Variants in AFG1L observed in about 807,000 individuals in gnomAD.
The protein encoded by AFG1L is AFG1-like ATPase.
AFG1L carries 53 observed loss-of-function variants against 62.2 expected under a neutral mutation model. The observed-to-expected ratio is 0.85, with a 90% CI of 0.68 to 1.07. The LOEUF is 1.07. Ranked by LOEUF, AFG1L falls within the 50% of genes least tolerant of loss-of-function variation. The pLI, the probability that AFG1L is intolerant of heterozygous loss-of-function variation, is 0.00. For missense variants in AFG1L, 555 were observed against 590.5 expected (o/e 0.94, Z 0.62); for synonymous variants, 228 against 210.3 (o/e 1.08, Z -0.73).
chr6:108,404,524 T>A (rs900141815), intron 7 of AFG1L, among the ~76,000 whole-genome samples: 3 of 152,064 alleles, frequency 2.0e-5, no homozygotes, highest in African/African-American at 7.2e-5. Context: ...TCGGTTGTTT[T>A]GTATTATTGT....
intron 7 of AFG1L, among the ~76,000 whole-genome samples, chr6:108,405,791 C>G (rs1166699027): frequency 6.6e-6 from 1 of 152,170 alleles, no homozygotes; most frequent in African/African-American, 2.4e-5. Context: ...ACCCATTGTC[C>G]CCCTTTCCCA....
intron 8 of AFG1L, among the ~76,000 whole-genome samples, chr6:108,460,233 A>T (rs1772400991): frequency 6.6e-6 from 1 of 152,074 alleles, no homozygotes. Context: ...ACATAAATCA[A>T]TTGCTTCTTC....
intron 6 of AFG1L, among the ~76,000 whole-genome samples, chr6:108,383,127 G>A (rs2114562121): frequency 6.6e-6 from 1 of 152,270 alleles, no homozygotes; most frequent in East Asian, 1.9e-4. Flanking sequence ...TAGCTACTCA[G>A]GAAGCTGAAG....
intron 7 of AFG1L, among the ~76,000 whole-genome samples, chr6:108,414,452 C>T (rs758520056): frequency 5.1e-4 from 78 of 152,070 alleles, no homozygotes; most frequent in Non-Finnish European, 7.7e-4. Flanking sequence ...TACCAAAGCC[C>T]GGCAGAGACA....
intron 6 of AFG1L, among the ~76,000 whole-genome samples, chr6:108,375,504 T>C (rs1780204810): frequency 6.6e-6 from 1 of 152,082 alleles, no homozygotes; most frequent in Admixed American, 6.6e-5. Context: ...GTTCCTGCGG[T>C]GTCTAGTTTC....
At chr6:108,418,541 G>C (rs561586116) in intron 7 of AFG1L, among the ~76,000 whole-genome samples, 59 of 152,224 alleles carry the variant, frequency 3.9e-4, no homozygotes, top group African/African-American at 1.3e-3. Context: ...TCCTGTGTCA[G>C]CATAGATTTA....
chr6:108,377,571 C>T (rs1030603906), intron 6 of AFG1L, among the ~76,000 whole-genome samples: 7 of 152,116 alleles, frequency 4.6e-5, no homozygotes, highest in African/African-American at 1.4e-4. Context: ...ATAATTGGCT[C>T]CCAATCTCTC....
chr6:108,422,486 A>AAAAAAAAAAAAAAAAT (rs1462650067), intron 7 of AFG1L, among the ~76,000 whole-genome samples: 39 of 146,972 alleles, frequency 2.7e-4, no homozygotes, highest in African/African-American at 9.9e-4. Context: ...GCAAAAAAAA[A>AAAAAAAAAAAAAAAAT]AAAAAAAAAA....
At chr6:108,477,447 A>G (rs1042624341) in intron 10 of AFG1L, among the ~76,000 whole-genome samples, 155 bp downstream of exon 10, 4 of 152,242 alleles carry the variant, frequency 2.6e-5, no homozygotes, top group African/African-American at 7.2e-5. Context: ...TATTTTTGCC[A>G]TGTGCTTTTT....
intron 7 of AFG1L, among the ~76,000 whole-genome samples, chr6:108,435,213 G>T (rs1333793552): frequency 6.6e-6 from 1 of 152,202 alleles, no homozygotes; most frequent in Non-Finnish European, 1.5e-5. Flanking sequence ...ACCAGAAGGG[G>T]CTATGGGAGG....
At chr6:108,351,029 T>C (rs80206529) in intron 3 of AFG1L, among the ~76,000 whole-genome samples, 1,930 of 152,310 alleles carry the variant, frequency 0.013, 18 homozygotes, top group Non-Finnish European at 0.02. Flanking sequence ...GGTATTTGTT[T>C]ATCTAAACAT....
chr6:108,327,894 G>T (rs965363139), intron 2 of AFG1L, among the ~76,000 whole-genome samples: 1 of 152,150 alleles, frequency 6.6e-6, no homozygotes, highest in Non-Finnish European at 1.5e-5. Flanking sequence ...CTTAGAGGCC[G>T]TTAACCAGCG....
In AFG1L at chr6:108,382,128, G is replaced by A. The variant is rs183535377; in HGVS notation, c.748+15796G>A. On this transcript the variant is annotated intron_variant, in intron 6 of 12. Transcript: ENST00000368977. ...CGATTTTCCTGCCTCAGCCTCCCGA[G>A]TAGCTGGGATTACAGGCACGCGCCA... 2.6e-3 allele frequency among the ~76,000 whole-genome samples: 399 copies of A among 151,386 alleles called. 2 individuals carry two copies. The highest frequency in any genetic ancestry group is 9.3e-3 in the African/African-American group (384 of 41,196).
intron 7 of AFG1L, among the ~76,000 whole-genome samples, chr6:108,417,431 C>T (rs1290636423): frequency 2.0e-5 from 3 of 151,852 alleles, no homozygotes; most frequent in Non-Finnish European, 4.4e-5. Context: ...AATTAAGTTA[C>T]CAAGAAAAGT....
chr6:108,497,792 C>A (rs939114158), intron 10 of AFG1L, among the ~76,000 whole-genome samples: 1 of 152,092 alleles, frequency 6.6e-6, no homozygotes, highest in African/African-American at 2.4e-5. Context: ...TCTGCAGGGG[C>A]TGGACTTGCT....
chr6:108,444,659 A>G (rs886126599), intron 7 of AFG1L, among the ~76,000 whole-genome samples: 3 of 152,202 alleles, frequency 2.0e-5, no homozygotes, highest in Non-Finnish European at 1.5e-5. Context: ...GACCAAGTGG[A>G]TTGTCATGAG....
At chr6:108,430,365 G>T (rs763675686) in intron 7 of AFG1L, among the ~76,000 whole-genome samples, 8 of 152,190 alleles carry the variant, frequency 5.3e-5, no homozygotes. Flanking sequence ...ATTGGGTGTT[G>T]CTTATACTTA....
intron 1 of AFG1L, among the ~76,000 whole-genome samples, chr6:108,315,367 G>T (rs1413561770): frequency 6.6e-6 from 1 of 152,146 alleles, no homozygotes; most frequent in Non-Finnish European, 1.5e-5. Flanking sequence ...TGGCATTCGG[G>T]TGTCAACTTA....
At chr6:108,336,873 A>C (rs1269999978) in intron 2 of AFG1L, among the ~76,000 whole-genome samples, 1 of 152,346 alleles carries the variant, frequency 6.6e-6, no homozygotes, top group African/African-American at 2.4e-5. Flanking sequence ...TGACCCCTAA[A>C]TATATCACAT....
Sources: gnomAD v4.1 joint callset for allele counts (sites outside exome capture counted in the v4.1 genomes callset) on GRCh38, gnomAD v4.1.1 for gene constraint, MANE v1.5 for transcripts, NCBI Gene and HGNC (gene_info 2026-07-23, HGNC 2026-07-21) for gene names.